Variants in LMNTD1 observed in about 807,000 individuals in gnomAD.
LMNTD1 encodes the protein lamin tail domain containing 1.
LMNTD1 carries 35 observed loss-of-function variants against 50.9 expected under a neutral mutation model. That is an observed-to-expected ratio of 0.69 (90% confidence interval 0.53 to 0.91). The LOEUF (loss-of-function observed/expected upper bound fraction) is 0.91. LMNTD1 is among the 40% of genes least tolerant of loss of function. The pLI, the probability that LMNTD1 is intolerant of heterozygous loss-of-function variation, is 0.00. For synonymous variants in LMNTD1, 153 were observed against 161.9 expected (o/e 0.94, Z 0.42); for missense variants, 470 against 475.5 (o/e 0.99, Z 0.11).
intron 9 of LMNTD1, among the ~76,000 whole-genome samples, chr12:25,479,656 G>A (rs745624496): frequency 6.6e-6 from 1 of 152,166 alleles, no homozygotes; most frequent in Admixed American, 6.5e-5. Flanking sequence ...ATACCATGAC[G>A]GTGGATAAGG....
intron 1 of LMNTD1, among the ~76,000 whole-genome samples, chr12:25,626,637 C>T (rs1946595764): frequency 1.3e-5 from 2 of 152,094 alleles, no homozygotes; most frequent in South Asian, 4.1e-4. Context: ...GAAGGGAATG[C>T]ACATAGTATT....
At chr12:25,618,500 T>C (rs1682890911) in intron 1 of LMNTD1, among the ~76,000 whole-genome samples, 1 of 152,174 alleles carries the variant, frequency 6.6e-6, no homozygotes, top group Non-Finnish European at 1.5e-5. Context: ...AAAATGTAGA[T>C]TGCTCTTTAG....
chr12:25,520,771 CTTCCATATTGTT>C (rs1941261427), intron 6 of LMNTD1, among the ~76,000 whole-genome samples: 1 of 152,098 alleles, frequency 6.6e-6, no homozygotes, highest in Non-Finnish European at 1.5e-5. Context: ...TCTTTAGGGA[CTTCCATATTGTT>C]TTCCATAAAG....
chr12:25,513,840 G>C lies in LMNTD1; in HGVS notation c.1189+4955C>G, dbSNP rs183067942. 5.3e-5 allele frequency among the ~76,000 whole-genome samples: 8 copies of C among 152,132 alleles called. No individual in the cohort carries two copies. In the East Asian group the frequency reaches 1.5e-3, roughly 29 times the overall value. On this transcript the variant is annotated intron_variant, in intron 8 of 9. Coordinates refer to ENST00000458174, the MANE Select transcript of LMNTD1 (RefSeq NM_001145728.2). ...AATAACAAATCAATACACCTGCCTG[G>C]GTGAGAAATCTACAAACGATATACA...
intron 1 of LMNTD1, among the ~76,000 whole-genome samples, chr12:25,639,121 G>T (rs1946897980): frequency 6.6e-6 from 1 of 152,082 alleles, no homozygotes; most frequent in Admixed American, 6.5e-5. Flanking sequence ...ACATGCAAAT[G>T]AATGAAGTTG....
chr12:25,605,392 G>A (rs1255872850), intron 1 of LMNTD1, among the ~76,000 whole-genome samples: 5 of 152,108 alleles, frequency 3.3e-5, no homozygotes, highest in Non-Finnish European at 5.9e-5. Flanking sequence ...ATTGCTTTCG[G>A]TGTTTTAAAC....
intron 1 of LMNTD1, among the ~76,000 whole-genome samples, chr12:25,646,316 C>T (rs1232694054): frequency 6.6e-6 from 1 of 152,018 alleles, no homozygotes; most frequent in Non-Finnish European, 1.5e-5. Context: ...TCTCAGCTCC[C>T]TCTCATCTCT....
intron 1 of LMNTD1, among the ~76,000 whole-genome samples, chr12:25,569,484 G>A (rs1944696599): frequency 1.3e-5 from 2 of 152,184 alleles, no homozygotes; most frequent in African/African-American, 4.8e-5. Context: ...GACTTTGGGG[G>A]ACTGTTGGGA....
chr12:25,605,622 G>T (rs1431479836), intron 1 of LMNTD1, among the ~76,000 whole-genome samples: 13 of 152,004 alleles, frequency 8.6e-5, no homozygotes, highest in Non-Finnish European at 1.9e-4. Context: ...TTGCTTGTTT[G>T]TGTCAGGTTT....
intron 1 of LMNTD1, among the ~76,000 whole-genome samples, chr12:25,561,911 G>T (rs1944344765): frequency 6.6e-6 from 1 of 152,014 alleles, no homozygotes; most frequent in Non-Finnish European, 1.5e-5. Context: ...TTGTCTCTTT[G>T]ATCTTCGTTG....
At chr12:25,571,339 T>TTATTTATTTA (rs1555112965) in intron 1 of LMNTD1, among the ~76,000 whole-genome samples, 13 of 148,788 alleles carry the variant, frequency 8.7e-5, no homozygotes, top group African/African-American at 2.7e-4. Flanking sequence ...AAAAAAGTAT[T>TTATTTATTTA]TTTATTTATT....
In LMNTD1 at chr12:25,510,141, T is replaced by A. The variant is rs565035486; in HGVS notation, c.1190-6341A>T. Among the ~76,000 whole-genome samples, 83 of 152,360 alleles carry A rather than the reference T, an allele frequency of 5.4e-4. 2 individuals are homozygous for A. The South Asian group carries it at 0.017, about 32-fold the overall frequency. ...TCATGTTTTGATTGTTTCCAATTTT[T>A]TTTTACTTCTCTCTATAGCTCTGCG... On this transcript the variant is annotated intron_variant, in intron 8 of 9. Coordinates refer to ENST00000458174, the MANE Select transcript of LMNTD1 (RefSeq NM_001145728.2).
chr12:25,556,414 T>A (rs1944045872), upstream of LMNTD1, among the ~76,000 whole-genome samples: 1 of 152,168 alleles, frequency 6.6e-6, no homozygotes, highest in South Asian at 2.1e-4. Flanking sequence ...CAAGATTTAG[T>A]CTCATCCATC....
chr12:25,542,408 C>A (rs1943146101), intron 4 of LMNTD1, among the ~76,000 whole-genome samples: 1 of 150,518 alleles, frequency 6.6e-6, no homozygotes, highest in African/African-American at 2.4e-5. Context: ...ATGATGAGTT[C>A]ATGTCCTTTG....
rs112068881 is a variant in LMNTD1, at chr12:25,510,300, T to A, written c.1190-6500A>T. Among the ~76,000 whole-genome samples, 1,122 of 152,212 alleles carry A rather than the reference T, an allele frequency of 7.4e-3. 14 individuals are homozygous for A. Among genetic ancestry groups the A allele is most frequent in the African/African-American group, 0.025 (1,050 of 41,514 alleles). On this transcript the variant is annotated intron_variant, in intron 8 of 9. Coordinates refer to ENST00000458174, the MANE Select transcript of LMNTD1 (RefSeq NM_001145728.2). The stretch of plus-strand genomic sequence containing the variant: ...ACCTTCACCCTTTCAGTTATATTTT[T>A]CCTCAATATAGAACTCAGGATTAGA...
At chr12:25,597,508 C>T (rs1945869493) in intron 1 of LMNTD1, among the ~76,000 whole-genome samples, 1 of 151,960 alleles carries the variant, frequency 6.6e-6, no homozygotes, top group African/African-American at 2.4e-5. Context: ...ATATACAAAG[C>T]AAATATTATT....
chr12:25,510,307 T>A (rs61924638), intron 8 of LMNTD1, among the ~76,000 whole-genome samples: 6 of 152,030 alleles, frequency 3.9e-5, no homozygotes, highest in Non-Finnish European at 2.9e-5. Flanking sequence ...TTTTCCTCAA[T>A]ATAGAACTCA....
chr12:25,491,205 T>G (rs371295105), intron 9 of LMNTD1, among the ~76,000 whole-genome samples: 3 of 152,222 alleles, frequency 2.0e-5, no homozygotes, highest in East Asian at 3.8e-4. Flanking sequence ...AAACTTAGCA[T>G]TTTATACGGA....
At chr12:25,519,586 T>TTAAAAAAAAAAAAAAAAAAAA (rs781742784) in intron 7 of LMNTD1, among the ~76,000 whole-genome samples, 13 of 74,958 alleles carry the variant, frequency 1.7e-4, no homozygotes, top group South Asian at 5.3e-4. Context: ...AGACTCTGTC[T>TTAAAAAAAAAAAAAAAAAAAA]CAAAAAAAAA....
Sources: gnomAD v4.1 joint callset for allele counts (sites outside exome capture counted in the v4.1 genomes callset) on GRCh38, gnomAD v4.1.1 for gene constraint, MANE v1.5 for transcripts, NCBI Gene and HGNC (gene_info 2026-07-23, HGNC 2026-07-21) for gene names.